The following RAPGEF2 variants were observed in gnomAD, a reference collection of about 807,000 sequenced individuals.
RAPGEF2 encodes the protein Rap guanine nucleotide exchange factor 2.
A neutral mutation model predicts 186.7 loss-of-function variants in RAPGEF2; 54 were observed. That is an observed-to-expected ratio of 0.29 (90% confidence interval 0.23 to 0.36). The LOEUF is 0.36. RAPGEF2 is among the 10% of genes least tolerant of loss of function. RAPGEF2 has a pLI of 1.00. For synonymous variants in RAPGEF2, 712 were observed against 705.9 expected (o/e 1.01, Z -0.14); for missense variants, 1,532 against 2,045.0 (o/e 0.75, Z 4.84).
In RAPGEF2 at chr4:159,104,064, C is replaced by A. The variant is rs1737496535; in HGVS notation, c.-99C>A. On this transcript the variant is annotated 5_prime_UTR_variant, in exon 1 of 30. Transcript: ENST00000691494. ...GTTTGGCTGATTAGTCGCGGGCGGG[C>A]GGGCGGGCGCAGCGCGCAGGGCGGA... 1 of 615,378 alleles carries A rather than the reference C, an allele frequency of 1.6e-6. No individual in the cohort carries two copies. The highest frequency in any genetic ancestry group is 2.1e-6 in the Non-Finnish European group (1 of 468,116). The allele number at this position is 615,378 out of a possible 1,614,324, so 38.1% of individuals were successfully genotyped here.
In RAPGEF2 at chr4:159,356,045, A is replaced by T. The variant is rs558364074; in HGVS notation, c.4844A>T (p.His1615Leu). The change falls in exon 29 of 30, where the codon CAT becomes CTT. Residue 1615 changes from histidine (H) to leucine (L), a missense_variant. His to Leu is a moderately conservative substitution (Grantham distance 99, BLOSUM62 -3). Transcript: ENST00000691494. Reference protein sequence around the residue: ...TAGPSSVQQPHGHPTSSRPVN... With the variant: ...TAGPSSVQQPLGHPTSSRPVN... ...GGGCCTTCATCCGTACAGCAGCCAC[A>T]TGGGCATCCCACCAGCAGCAGGCCT... is the stretch of plus-strand genomic sequence containing the variant. The T allele has an allele frequency of 3.7e-6, 6 of 1,614,054 alleles. No individual in the cohort carries two copies. The African/African-American group carries it at 8.0e-5, about 22-fold the overall frequency.
rs1422345771 is a variant in RAPGEF2, at chr4:159,211,065, G to T, written c.281+482G>T. Among the ~76,000 whole-genome samples the T allele has an allele frequency of 4.6e-5, 7 of 152,184 alleles. No homozygotes were observed. In the East Asian group the frequency reaches 1.2e-3, roughly 25 times the overall value. ...CATTTTTGCATTTGTCTGTGGATTG[G>T]CTACCTGCTCTGTAAGGCTGTTAAT... On this transcript the variant is annotated intron_variant, in intron 4 of 29. Transcript: ENST00000691494.
intron 1 of RAPGEF2, among the ~76,000 whole-genome samples, chr4:159,105,886 C>T (rs750876871): frequency 9.2e-5 from 14 of 152,068 alleles, no homozygotes; most frequent in Non-Finnish European, 1.9e-4. Flanking sequence ...ATGTCAGAGG[C>T]CTTTGGTGGA....
intron 7 of RAPGEF2, among the ~76,000 whole-genome samples, chr4:159,295,599 T>G (rs1294494430): frequency 6.6e-6 from 1 of 152,134 alleles, no homozygotes; most frequent in Non-Finnish European, 1.5e-5. Flanking sequence ...ATAAACATTT[T>G]CAATGACACT....
At chr4:159,168,501 G>A (rs1194959940) in intron 1 of RAPGEF2, among the ~76,000 whole-genome samples, 3 of 151,038 alleles carry the variant, frequency 2.0e-5, no homozygotes, top group South Asian at 4.2e-4. Context: ...GGGCAGCCAG[G>A]CCCCACACAT....
At chr4:159,323,325 A>G in intron 10 of RAPGEF2, 134 bp from the exon 11 acceptor site, 1 of 630,088 alleles carries the variant, frequency 1.6e-6, no homozygotes, top group Non-Finnish European at 2.6e-6. Context: ...GAACTTGTTA[A>G]ACAGTAAACT....
chr4:159,349,622 C>A (rs571950556), intron 25 of RAPGEF2, among the ~76,000 whole-genome samples: 42 of 152,292 alleles, frequency 2.8e-4, no homozygotes, highest in African/African-American at 9.1e-4. Context: ...TTCCTTAGAG[C>A]GCTTTCATTC....
chr4:159,125,681 A>C (rs536615960), intron 1 of RAPGEF2, among the ~76,000 whole-genome samples: 5 of 151,620 alleles, frequency 3.3e-5, no homozygotes, highest in African/African-American at 1.2e-4. Context: ...TGGCGTGAAC[A>C]TGGGTGGCAG....
intron 1 of RAPGEF2, among the ~76,000 whole-genome samples, chr4:159,147,486 T>C (rs189967129): frequency 2.3e-3 from 356 of 152,100 alleles, no homozygotes; most frequent in African/African-American, 7.9e-3. Flanking sequence ...TCATACAATA[T>C]CAAGTGGCAG....
intron 12 of RAPGEF2, 65 bp from the exon 13 acceptor site, chr4:159,330,269 G>GTA: frequency 1.4e-6 from 1 of 713,790 alleles, no homozygotes. Context: ...ATGTATATGT[G>GTA]TGTGTGTGTG....
chr4:159,236,291 GA>G (rs1251393157), intron 4 of RAPGEF2, among the ~76,000 whole-genome samples: 13 of 152,156 alleles, frequency 8.5e-5, no homozygotes, highest in African/African-American at 3.1e-4. Flanking sequence ...CACATTTTAG[GA>G]AATGTAAACT....
At chr4:159,349,670 A>C (rs953754001) in intron 25 of RAPGEF2, among the ~76,000 whole-genome samples, 6 of 151,994 alleles carry the variant, frequency 3.9e-5, no homozygotes, top group African/African-American at 1.2e-4. Flanking sequence ...TTGACTCTGT[A>C]CTCTTCTCCC....
Position 159,262,655 on chromosome 4 carries a change from T to G in RAPGEF2, c.543+18864T>G, listed in dbSNP as rs1757002488. On this transcript the variant is annotated intron_variant, in intron 7 of 29. Transcript: ENST00000691494. ...ATGGACTTACAGGCTTCTTTGTTTT[T>G]CTGCATGTCTCCATCTCATGTCATC... 2.0e-5 allele frequency among the ~76,000 whole-genome samples: 3 copies of G among 152,224 alleles called. No individual in the cohort carries two copies. In the South Asian group the frequency reaches 6.2e-4, roughly 31 times the overall value.
rs556558873 is a variant in RAPGEF2, at chr4:159,301,175, C to G, written c.544-3167C>G. Reference sequence around the variant, plus strand: ...ATCACTTGAGGCCAGCAGTTTGAGACCAGCTTGGCCAACATGGTGAAAGCC... The same window carrying G: ...ATCACTTGAGGCCAGCAGTTTGAGAGCAGCTTGGCCAACATGGTGAAAGCC... On this transcript the variant is annotated intron_variant, in intron 7 of 29. Coordinates refer to ENST00000691494, the MANE Select transcript of RAPGEF2 (RefSeq NM_001394067.2). Among the ~76,000 whole-genome samples the G allele has an allele frequency of 2.4e-4, 36 of 152,170 alleles. No homozygotes were observed. In the South Asian group the frequency reaches 7.5e-3, roughly 32 times the overall value.
intron 1 of RAPGEF2, among the ~76,000 whole-genome samples, chr4:159,117,940 AC>A (rs1294540774): frequency 6.6e-6 from 1 of 152,246 alleles, no homozygotes; most frequent in Non-Finnish European, 1.5e-5. Context: ...ATAAACAAAT[AC>A]AGCTTTGTTT....
intron 1 of RAPGEF2, among the ~76,000 whole-genome samples, chr4:159,123,347 A>T (rs1739925685): frequency 6.6e-6 from 1 of 152,112 alleles, no homozygotes; most frequent in Non-Finnish European, 1.5e-5. Context: ...TGTTATGCTG[A>T]AAGTGTTAAT....
At chr4:159,180,895 G>GA (rs1196157485) in intron 1 of RAPGEF2, among the ~76,000 whole-genome samples, 1 of 152,070 alleles carries the variant, frequency 6.6e-6, no homozygotes, top group Admixed American at 6.5e-5. Context: ...TTATGTCAGT[G>GA]AATTATAGGT....
In RAPGEF2 at chr4:159,355,942, C is replaced by T; in HGVS notation, c.4741C>T (p.His1581Tyr). The change falls in exon 29 of 30, where the codon CAT becomes TAT. Residue 1581 changes from histidine (H) to tyrosine (Y), a missense_variant. Physicochemically the swap from His to Tyr is moderately conservative, Grantham distance 83. Transcript: ENST00000691494. ...PITDFPEGHS[H>Y]PARKPPDYNV... ...TACTGACTTTCCAGAAGGGCACTCC[C>T]ATCCAGCCAGGAAACCGCCGGACTA... is the stretch of plus-strand genomic sequence containing the variant. The T allele has an allele frequency of 1.2e-6, 2 of 1,606,090 alleles. No homozygotes were observed. Among genetic ancestry groups the T allele is most frequent in the South Asian group, 2.2e-5 (2 of 89,566 alleles).
intron 1 of RAPGEF2, among the ~76,000 whole-genome samples, chr4:159,160,600 A>G (rs1254097139): frequency 2.0e-5 from 3 of 152,250 alleles, no homozygotes; most frequent in Non-Finnish European, 4.4e-5. Context: ...TTGCCTGCGC[A>G]CAGAGCTTAG....
Sources: allele counts gnomAD v4.1 joint callset (sites outside exome capture counted in the v4.1 genomes callset), GRCh38; gene constraint gnomAD v4.1.1; transcripts MANE v1.5; gene names NCBI Gene and HGNC (gene_info 2026-07-23, HGNC 2026-07-21).